SKOR2: variants seen among roughly 807,000 people sequenced by gnomAD.
SKOR2 encodes the protein SKI family transcriptional corepressor 2, also known as LBX1 corepressor 1-like protein.
In SKOR2, 47 loss-of-function variants were observed where a neutral mutation model predicts 69.1. That is an observed-to-expected ratio of 0.68 (90% confidence interval 0.54 to 0.87). The LOEUF (loss-of-function observed/expected upper bound fraction) is 0.87. Ranked by LOEUF, SKOR2 falls within the 40% of genes least tolerant of loss-of-function variation. The probability of loss-of-function intolerance (pLI) is 0.00; values close to 1 mark genes in which losing one functional copy is unlikely to be tolerated. For synonymous variants in SKOR2, 717 were observed against 672.6 expected, an observed-to-expected ratio of 1.07 and a Z score of -1.02; for missense variants, 1,404 against 1,472.2, an observed-to-expected ratio of 0.95 and a Z score of 0.76.
chr18:47,238,320 C>CT (rs772229985), intron 4 of SKOR2, among the ~76,000 whole-genome samples: 1,088 of 108,058 alleles, frequency 0.01, 9 homozygotes, highest in Non-Finnish European at 0.012. Flanking sequence ...CTTTTCTTTT[C>CT]TTTTTTTTTT....
intron 4 of SKOR2, among the ~76,000 whole-genome samples, chr18:47,237,995 C>T (rs1016810150): frequency 4.6e-5 from 7 of 152,076 alleles, no homozygotes; most frequent in African/African-American, 1.7e-4. Flanking sequence ...GTCATTTCAT[C>T]CCTACTTGGT....
At chr18:47,213,606 A>C (rs1025562) in intron 7 of SKOR2, among the ~76,000 whole-genome samples, 7,562 of 152,092 alleles carry the variant, frequency 0.05, 201 homozygotes, top group Non-Finnish European at 0.059. Context: ...CAGGAAAAAA[A>C]AGGACAATAA....
rs1486813947 is a variant in SKOR2, at chr18:47,206,570, C to G, written c.*326G>C. 2 of 152,230 alleles carry G rather than the reference C, an allele frequency of 1.3e-5. No homozygotes were observed. Among genetic ancestry groups the G allele is most frequent in the Non-Finnish European group, 2.9e-5 (2 of 68,106 alleles). 9.4% of individuals were successfully genotyped at this position (152,230 alleles called of 1,614,324 possible). On this transcript the variant is annotated 3_prime_UTR_variant, in exon 9 of 9. Transcript: ENST00000425639. ...GGGACCATCCGCTGATTTCCCATCC[C>G]AACTGGCTAACAGCACTTCCCATGC...
chr18:47,246,298 G>T (rs2064272606), intron 2 of SKOR2, among the ~76,000 whole-genome samples: 2 of 152,108 alleles, frequency 1.3e-5, no homozygotes, highest in Admixed American at 1.3e-4. Context: ...GTCAATTAAA[G>T]GGTCTTTTCC....
intron 8 of SKOR2, among the ~76,000 whole-genome samples, chr18:47,210,792 G>A (rs535563095): frequency 2.0e-5 from 3 of 152,230 alleles, no homozygotes; most frequent in Non-Finnish European, 4.4e-5. Context: ...CACCTCTGTT[G>A]CAGTATCATC....
intron 4 of SKOR2, chr18:47,231,295 G>A (rs2064197346): frequency 3.2e-6 from 3 of 929,534 alleles, no homozygotes; most frequent in Non-Finnish European, 4.8e-6. Context: ...TTACAAGGAA[G>A]GAAATTGCTA....
At chr18:47,216,821 T>A (rs2064145499) in intron 7 of SKOR2, among the ~76,000 whole-genome samples, 2 of 152,182 alleles carry the variant, frequency 1.3e-5, no homozygotes, top group East Asian at 3.8e-4. Flanking sequence ...AAAGCCTGTT[T>A]TGTAATATAT....
chr18:47,229,792 C>T (rs1205313682), intron 6 of SKOR2, among the ~76,000 whole-genome samples: 1 of 152,154 alleles, frequency 6.6e-6, no homozygotes, highest in South Asian at 2.1e-4. Flanking sequence ...CAGACCAGGG[C>T]AGGTGAATTT....
At chr18:47,243,221 C>T (rs572752927) in intron 4 of SKOR2, among the ~76,000 whole-genome samples, 59 of 152,284 alleles carry the variant, frequency 3.9e-4, no homozygotes, top group South Asian at 2.1e-3. Flanking sequence ...GCAGCTGAAA[C>T]GGCCGGAGGT....
chr18:47,243,946 C>A (rs2684847), intron 4 of SKOR2, among the ~76,000 whole-genome samples: 130,527 of 152,190 alleles, frequency 0.86, 56,413 homozygotes, highest in African/African-American at 0.96. Flanking sequence ...ACACTTATAC[C>A]ATATTCATGA....
chr18:47,218,093 A>G (rs1162457109), intron 7 of SKOR2, among the ~76,000 whole-genome samples: 1 of 152,172 alleles, frequency 6.6e-6, no homozygotes, highest in Non-Finnish European at 1.5e-5. Context: ...TAGTACATGG[A>G]GACAATATAA....
intron 4 of SKOR2, among the ~76,000 whole-genome samples, chr18:47,233,536 C>T (rs937436948): frequency 2.6e-5 from 4 of 152,314 alleles, no homozygotes; most frequent in Admixed American, 2.0e-4. Flanking sequence ...AATATTGAAT[C>T]TGAACAAGAG....
intron 6 of SKOR2, among the ~76,000 whole-genome samples, chr18:47,220,551 G>A (rs2064158215): frequency 6.6e-6 from 1 of 152,120 alleles, no homozygotes; most frequent in African/African-American, 2.4e-5. Flanking sequence ...CTCTCACCCT[G>A]GGATCAGCCT....
chr18:47,242,145 T>C (rs1600045759), intron 4 of SKOR2, among the ~76,000 whole-genome samples: 1 of 152,206 alleles, frequency 6.6e-6, no homozygotes, highest in Admixed American at 6.5e-5. Context: ...CTTGTTAGGG[T>C]TTACTAGGTC....
chr18:47,218,620 G>T (rs960170926), intron 7 of SKOR2, among the ~76,000 whole-genome samples: 24 of 141,072 alleles, frequency 1.7e-4, no homozygotes, highest in African/African-American at 5.0e-4. Context: ...ATCTGAAAAT[G>T]ATGTCCTTTG....
At chr18:47,230,393 C>G in intron 6 of SKOR2, 66 bp downstream of exon 6, 1 of 964,940 alleles carries the variant, frequency 1.0e-6, no homozygotes, top group Non-Finnish European at 1.4e-6. Context: ...GAATCACATT[C>G]TTAAGCCTAA....
intron 3 of SKOR2, 85 bp from the exon 4 acceptor site, chr18:47,245,067 G>A (rs2064265547): frequency 2.8e-6 from 3 of 1,074,588 alleles, no homozygotes; most frequent in Non-Finnish European, 4.0e-6. Context: ...TTTTTGCAGG[G>A]AGGATGCTAC....
At chr18:47,216,206 T>A (rs560676661) in intron 7 of SKOR2, among the ~76,000 whole-genome samples, 35 of 152,308 alleles carry the variant, frequency 2.3e-4, no homozygotes, top group African/African-American at 8.2e-4. Context: ...ACATTTACAT[T>A]TTTATAAACA....
chr18:47,213,326 G>A (rs2064133593), intron 7 of SKOR2, among the ~76,000 whole-genome samples: 1 of 149,020 alleles, frequency 6.7e-6, no homozygotes, highest in African/African-American at 2.5e-5. Flanking sequence ...AGCAGTGAGG[G>A]AAATAAAATC....
Sources: gnomAD v4.1 joint callset for allele counts (sites outside exome capture counted in the v4.1 genomes callset) on GRCh38, gnomAD v4.1.1 for gene constraint, MANE v1.5 for transcripts, NCBI Gene and HGNC (gene_info 2026-07-23, HGNC 2026-07-21) for gene names.